Variants in PRKN observed in about 807,000 individuals in gnomAD.
PRKN encodes E3 ubiquitin-protein ligase parkin.
In PRKN, 56 loss-of-function variants were observed where a neutral mutation model predicts 59.5. The ratio of observed to expected loss-of-function variants is 0.94; its 90% confidence interval spans 0.76 to 1.18. The LOEUF (loss-of-function observed/expected upper bound fraction) is 1.18. Ranked by LOEUF, PRKN falls within the 50% of genes most tolerant of loss-of-function variation. The pLI is 0.00. For missense variants in PRKN, 657 were observed against 596.4 expected (o/e 1.10, Z -1.06); for synonymous variants, 250 against 222.1 (o/e 1.13, Z -1.12).
chr6:161,948,668 T>C lies in PRKN; in HGVS notation c.734+24634A>G, dbSNP rs533188590. ...CAGCTGCATGAAAAAATGCAGACAA[T>C]TTCTCTGGCCATGAGACATGCGAAG... On this transcript the variant is annotated intron_variant, in intron 6 of 11. Transcript: ENST00000366898. Among the ~76,000 whole-genome samples the C allele has an allele frequency of 7.2e-5, 11 of 152,140 alleles. No homozygotes were observed. In the East Asian group the frequency reaches 2.1e-3, roughly 29 times the overall value.
At chr6:161,691,497 GA>G (rs1785791706) in intron 7 of PRKN, among the ~76,000 whole-genome samples, 1 of 152,226 alleles carries the variant, frequency 6.6e-6, no homozygotes, top group African/African-American at 2.4e-5. Context: ...TTAACATGGG[GA>G]ATAGGACTTT....
chr6:161,524,055 A>G, intron 9 of PRKN, among the ~76,000 whole-genome samples: 1 of 152,292 alleles, frequency 6.6e-6, no homozygotes. Flanking sequence ...TTTTTCATTA[A>G]ATATTTTTTA....
chr6:162,217,581 G>T (rs964405183), intron 3 of PRKN, among the ~76,000 whole-genome samples: 2 of 152,054 alleles, frequency 1.3e-5, no homozygotes, highest in Non-Finnish European at 2.9e-5. Context: ...TAGTAGAGAT[G>T]GGGTTTCACC....
intron 1 of PRKN, among the ~76,000 whole-genome samples, chr6:162,552,337 T>C (rs1216934474): frequency 6.6e-6 from 1 of 152,098 alleles, no homozygotes; most frequent in African/African-American, 2.4e-5. Flanking sequence ...TACGTTTTAA[T>C]AAGAGTACCT....
chr6:161,787,848 A>G (rs1790484478), intron 6 of PRKN, among the ~76,000 whole-genome samples: 1 of 152,214 alleles, frequency 6.6e-6, no homozygotes, highest in South Asian at 2.1e-4. Flanking sequence ...CAGGAGGCTG[A>G]GGCAGGTGAA....
At chr6:162,369,026 T>C (rs1785606825) in intron 2 of PRKN, among the ~76,000 whole-genome samples, 1 of 152,178 alleles carries the variant, frequency 6.6e-6, no homozygotes, top group Admixed American at 6.6e-5. Context: ...CATATTTTGG[T>C]GAGATTTTTG....
chr6:161,509,327 T>G (rs112422194), intron 9 of PRKN, among the ~76,000 whole-genome samples: 45 of 152,272 alleles, frequency 3.0e-4, no homozygotes, highest in African/African-American at 1.1e-3. Context: ...TGTTAGCTGT[T>G]TATTCATCCT....
At chr6:161,713,639 T>C (rs1417679419) in intron 7 of PRKN, among the ~76,000 whole-genome samples, 1 of 152,198 alleles carries the variant, frequency 6.6e-6, no homozygotes, top group Admixed American at 6.5e-5. Flanking sequence ...CACACATTTT[T>C]CAACTGTTCC....
chr6:161,349,670 A>C lies in PRKN; in HGVS notation c.*429T>G, dbSNP rs1408067926. 1 of 310,848 alleles carries C rather than the reference A, an allele frequency of 3.2e-6. No individual in the cohort carries two copies. The highest frequency in any genetic ancestry group is 2.1e-5 in the African/African-American group (1 of 47,942). The allele number at this position is 310,848 out of a possible 1,614,324, so 19.3% of individuals were successfully genotyped here. On this transcript the variant is annotated 3_prime_UTR_variant, in exon 12 of 12. Coordinates refer to ENST00000366898, the MANE Select transcript of PRKN (RefSeq NM_004562.3). This position sits in a 1 kb window ranked among gnomAD's most constrained non-coding sequence, Gnocchi z 5.5. ...ATCTTCATGGTGTTTACTGAAGGTAAAAGGCAGGATATTAAATGTGAGAAC... is the reference window on the plus strand; with the variant it reads ...ATCTTCATGGTGTTTACTGAAGGTACAAGGCAGGATATTAAATGTGAGAAC...
At chr6:162,292,380 TTCTTTTG>T (rs1226867723) in intron 2 of PRKN, among the ~76,000 whole-genome samples, 7 of 152,158 alleles carry the variant, frequency 4.6e-5, no homozygotes, top group Admixed American at 4.6e-4. Context: ...CTGATATATT[TTCTTTTG>T]TCATTACCCT....
intron 9 of PRKN, among the ~76,000 whole-genome samples, chr6:161,493,645 A>G (rs1312674037): frequency 6.6e-6 from 1 of 152,196 alleles, no homozygotes; most frequent in Non-Finnish European, 1.5e-5. Flanking sequence ...AGATGCAGAA[A>G]GGGCCGATGA....
At chr6:161,774,914 A>G (rs1346692116) in intron 7 of PRKN, among the ~76,000 whole-genome samples, 1 of 152,200 alleles carries the variant, frequency 6.6e-6, no homozygotes, top group Non-Finnish European at 1.5e-5. Context: ...ATTTCAATCA[A>G]TTTGGAGGCA....
chr6:162,697,751 C>A (rs1347885054), intron 1 of PRKN, among the ~76,000 whole-genome samples: 1 of 152,110 alleles, frequency 6.6e-6, no homozygotes, highest in Non-Finnish European at 1.5e-5. Flanking sequence ...CATATCTAAC[C>A]ATTTTTACAT....
chr6:161,748,315 T>A (rs936476829), intron 7 of PRKN, among the ~76,000 whole-genome samples: 8 of 152,080 alleles, frequency 5.3e-5, no homozygotes, highest in Non-Finnish European at 1.2e-4. Flanking sequence ...CTTTTTTTTT[T>A]CTTTCTCCTT....
At chr6:161,655,914 ACACG>A (rs1784333652) in intron 7 of PRKN, among the ~76,000 whole-genome samples, 1 of 129,364 alleles carries the variant, frequency 7.7e-6, no homozygotes, top group African/African-American at 3.1e-5. Context: ...ACACACACAC[ACACG>A]GTCATATGCA....
At chr6:162,486,542 G>T (rs940273945) in intron 1 of PRKN, among the ~76,000 whole-genome samples, 9 of 152,286 alleles carry the variant, frequency 5.9e-5, no homozygotes, top group South Asian at 2.1e-4. Context: ...TCATCTATTT[G>T]TGAGAGACCG....
At position 161,414,484 on chromosome 6, in the gene PRKN, TC is replaced by T. The variant is rs1415676397; in HGVS notation, c.1084-27608del. Reference sequence around the variant, plus strand: ...TGCCACTCTCAAATGTTCTCTGATCTCCTGTTCGAAGCAAATAACAGAGTGC... The same window carrying T: ...TGCCACTCTCAAATGTTCTCTGATCTCTGTTCGAAGCAAATAACAGAGTGC... On this transcript the variant is annotated intron_variant, in intron 9 of 11. Coordinates refer to ENST00000366898, the MANE Select transcript of PRKN (RefSeq NM_004562.3). This position sits in a 1 kb window ranked among gnomAD's most constrained non-coding sequence, Gnocchi z 5.3. Among the ~76,000 whole-genome samples the T allele has an allele frequency of 1.3e-5, 2 of 152,218 alleles. No individual in the cohort carries two copies. The highest frequency in any genetic ancestry group is 6.5e-5 in the Admixed American group (1 of 15,288).
At chr6:162,432,653 G>C (rs572665586) in intron 2 of PRKN, among the ~76,000 whole-genome samples, 64 of 152,292 alleles carry the variant, frequency 4.2e-4, no homozygotes, top group Non-Finnish European at 8.1e-4. Flanking sequence ...CAAAATGACA[G>C]ATCATATAAA....
intron 9 of PRKN, among the ~76,000 whole-genome samples, chr6:161,493,724 G>A (rs1255411936): frequency 6.6e-6 from 1 of 152,190 alleles, no homozygotes; most frequent in African/African-American, 2.4e-5. Context: ...GCATCTTAGG[G>A]TGAAACAGAA....
Sources: gnomAD v4.1 joint callset for allele counts (sites outside exome capture counted in the v4.1 genomes callset) on GRCh38, gnomAD v4.1.1 for gene constraint, Gnocchi (gnomAD v3.1) non-coding constraint, MANE v1.5 for transcripts, NCBI Gene and HGNC (gene_info 2026-07-23, HGNC 2026-07-21) for gene names.